The following PATJ variants were observed in gnomAD, a reference collection of about 807,000 sequenced individuals.
PATJ encodes inaD-like protein.
PATJ carries 190 observed loss-of-function variants against 224.9 expected under a neutral mutation model. The observed-to-expected ratio is 0.84, with a 90% CI of 0.75 to 0.95. PATJ has a LOEUF of 0.95. Ranked by LOEUF, PATJ falls within the 40% of genes least tolerant of loss-of-function variation. PATJ has a pLI of 0.00. For synonymous variants in PATJ, 769 were observed against 820.3 expected (o/e 0.94, Z 1.07); for missense variants, 2,121 against 2,270.3 (o/e 0.93, Z 1.34).
rs1663957410 is a variant in PATJ, at chr1:61,857,975, G to A, written c.2322+1736G>A. Reference sequence around the variant, plus strand: ...AACATACGAATAACATACTATAAGTGCTCATATGTATAGATAGATGGATAG... The same window carrying A: ...AACATACGAATAACATACTATAAGTACTCATATGTATAGATAGATGGATAG... On this transcript the variant is annotated intron_variant, in intron 18 of 43. Transcript: ENST00000642238. Among the ~76,000 whole-genome samples the A allele has an allele frequency of 2.0e-5, 3 of 152,104 alleles. No individual in the cohort carries two copies. The South Asian group carries it at 6.2e-4, about 31-fold the overall frequency.
At chr1:62,038,519 C>T in intron 30 of PATJ, 1 of 159,656 alleles carries the variant, frequency 6.3e-6, no homozygotes, top group Non-Finnish European at 1.4e-5. Context: ...AGTTTGTGTC[C>T]CCAGCTGAGG....
Position 62,048,380 on chromosome 1 carries a change from T to C in PATJ, c.4033-2586T>C, listed in dbSNP as rs570960478. ...AGCCAACATGGCGAAACCCCGTCTCTACTAAAAATACAAAAATTAGCTGGG... is the reference window on the plus strand; with the variant it reads ...AGCCAACATGGCGAAACCCCGTCTCCACTAAAAATACAAAAATTAGCTGGG... On this transcript the variant is annotated intron_variant, in intron 30 of 43. Coordinates refer to ENST00000642238, the MANE Select transcript of PATJ (RefSeq NM_001350145.3). 2.6e-5 allele frequency among the ~76,000 whole-genome samples: 4 copies of C among 151,774 alleles called. 1 individual carries two copies. The highest frequency in any genetic ancestry group is 2.6e-4 in the Admixed American group (4 of 15,248).
At chr1:61,965,819 G>C (rs1682048874) in intron 27 of PATJ, among the ~76,000 whole-genome samples, 1 of 152,240 alleles carries the variant, frequency 6.6e-6, no homozygotes, top group Admixed American at 6.5e-5. Context: ...AGGAGAGTTT[G>C]AGAGAGTGAA....
intron 14 of PATJ, 125 bp from the exon 15 acceptor site, chr1:61,822,820 C>G (rs1006774911): frequency 1.8e-6 from 2 of 1,132,020 alleles, no homozygotes; most frequent in Non-Finnish European, 2.5e-6. Context: ...TTATTGTCCT[C>G]TTTTAGGATT....
chr1:62,121,215 C>G lies in PATJ; in HGVS notation c.4925C>G (p.Pro1642Arg). The G allele has an allele frequency of 1.2e-6, 2 of 1,613,798 alleles. No individual in the cohort carries two copies. Among genetic ancestry groups the G allele is most frequent in the South Asian group, 1.1e-5 (1 of 91,052 alleles). Residue 1642 changes from proline to arginine, a missense_variant, in exon 38 of 44, where the codon CCC (proline) becomes CGC (arginine). Coordinates refer to ENST00000642238, the MANE Select transcript of PATJ (RefSeq NM_001350145.3). ...SQQSAHSSCH[P>R]SFAPVITGLQ... is the part of the protein sequence containing the mutation. ...CAGAGTGCACACAGCAGCTGTCATC[C>G]CTCCTTCGCTCCTGTCATCACTGGC...
rs540658365 is a variant in PATJ at position 62,112,121 on chromosome 1, C to T, written c.4462-1932C>T. ...GTTTTAAATGGCAGTTCAAAAGTCA[C>T]CTTCTCCAAGAAGGGTTCATTCTTC... On this transcript the variant is annotated intron_variant, in intron 34 of 43. Transcript: ENST00000642238. 2.8e-3 allele frequency among the ~76,000 whole-genome samples: 430 copies of T among 152,310 alleles called. 1 individual carries two copies. Among genetic ancestry groups the T allele is most frequent in the Middle Eastern group, 0.014 (4 of 294 alleles).
intron 1 of PATJ, among the ~76,000 whole-genome samples, chr1:61,759,190 G>A (rs1210572455): frequency 3.9e-5 from 6 of 152,110 alleles, no homozygotes; most frequent in Non-Finnish European, 8.8e-5. Flanking sequence ...CTTAAAACAT[G>A]ATGAGATTTT....
intron 11 of PATJ, among the ~76,000 whole-genome samples, chr1:61,798,713 G>C (rs1027363396): frequency 2.0e-5 from 3 of 151,648 alleles, no homozygotes; most frequent in South Asian, 4.2e-4. Context: ...CCAACATAGA[G>C]AGACCCCTTC....
chr1:62,053,698 A>G (rs746534677), intron 31 of PATJ, among the ~76,000 whole-genome samples: 33 of 149,500 alleles, frequency 2.2e-4, no homozygotes, highest in Non-Finnish European at 8.9e-5. Flanking sequence ...TAGCCTGGGC[A>G]AGAAGAGCGA....
intron 33 of PATJ, among the ~76,000 whole-genome samples, chr1:62,087,781 T>G (rs1180524789): frequency 2.6e-5 from 4 of 151,970 alleles, no homozygotes; most frequent in African/African-American, 9.7e-5. Context: ...TGAAAATTTA[T>G]GTCCTGAATT....
At chr1:62,121,381 T>C (rs1175503937) in intron 38 of PATJ, 86 bp downstream of exon 38, 13 of 808,656 alleles carry the variant, frequency 1.6e-5, no homozygotes, top group Non-Finnish European at 2.2e-5. Context: ...CAGTCTTCTT[T>C]AATATAAATG....
intron 24 of PATJ, among the ~76,000 whole-genome samples, chr1:61,908,160 T>C (rs948044967): frequency 3.9e-5 from 6 of 152,224 alleles, no homozygotes; most frequent in African/African-American, 1.4e-4. Context: ...GTATTTTTCT[T>C]ATCTACTTTT....
chr1:62,021,952 C>T (rs1344913556), intron 29 of PATJ, among the ~76,000 whole-genome samples: 1 of 152,138 alleles, frequency 6.6e-6, no homozygotes, highest in Non-Finnish European at 1.5e-5. Flanking sequence ...ATTTGCACTT[C>T]TATTTGGCAA....
chr1:62,131,706 G>C (rs1666282413), intron 41 of PATJ, among the ~76,000 whole-genome samples: 1 of 151,956 alleles, frequency 6.6e-6, no homozygotes, highest in Admixed American at 6.6e-5. Flanking sequence ...AAGATCACTT[G>C]AGCCCAAGAG....
intron 16 of PATJ, among the ~76,000 whole-genome samples, chr1:61,830,487 A>G (rs1188674982): frequency 6.6e-6 from 1 of 152,230 alleles, no homozygotes; most frequent in Admixed American, 6.5e-5. Flanking sequence ...CCGAATTAGA[A>G]AAAAACTATT....
At chr1:62,138,140 C>A (rs1323928215) in intron 41 of PATJ, among the ~76,000 whole-genome samples, 1 of 152,122 alleles carries the variant, frequency 6.6e-6, no homozygotes, top group African/African-American at 2.4e-5. Flanking sequence ...TCATTAAATG[C>A]CTAGTGAGAC....
intron 29 of PATJ, among the ~76,000 whole-genome samples, chr1:62,026,700 C>T (rs1165698526): frequency 1.1e-4 from 16 of 152,160 alleles, no homozygotes; most frequent in African/African-American, 4.8e-5. Flanking sequence ...AGAGGCAGGC[C>T]CAGAGCATGC....
chr1:62,156,596 A>T (rs866267284), intron 43 of PATJ, among the ~76,000 whole-genome samples: 1 of 151,918 alleles, frequency 6.6e-6, no homozygotes, highest in African/African-American at 2.4e-5. Context: ...AGGATTTATT[A>T]TAAGATTTAC....
At chr1:62,121,147 C>G in intron 37 of PATJ, 34 bp from the exon 38 acceptor site, 3 of 1,372,488 alleles carry the variant, frequency 2.2e-6, no homozygotes, top group East Asian at 2.3e-5. Context: ...AAGTCAGTGT[C>G]TGCACACAGG....
Sources: gnomAD v4.1 joint callset for allele counts (sites outside exome capture counted in the v4.1 genomes callset) on GRCh38, gnomAD v4.1.1 for gene constraint, MANE v1.5 for transcripts, NCBI Gene and HGNC (gene_info 2026-07-23, HGNC 2026-07-21) for gene names.